The following TCAIM variants were observed in gnomAD, a reference collection of about 807,000 sequenced individuals.
The protein encoded by TCAIM is T cell activation inhibitor, mitochondrial.
Under a neutral mutation model 58.6 loss-of-function variants are expected in TCAIM, and 36 were observed. The observed-to-expected ratio is 0.61, with a 90% confidence interval of 0.47 to 0.81. TCAIM has a LOEUF of 0.81. Among genes scored for constraint, TCAIM ranks in the 30% least tolerant of loss-of-function variants. The pLI, the probability that TCAIM is intolerant of heterozygous loss-of-function variation, is 0.00. For missense variants in TCAIM, 466 were observed against 579.6 expected (o/e 0.80, Z 2.01); for synonymous variants, 172 against 193.6 (o/e 0.89, Z 0.93).
intron 5 of TCAIM, among the ~76,000 whole-genome samples, chr3:44,373,229 T>C (rs1701508453): frequency 6.6e-6 from 1 of 152,182 alleles, no homozygotes; most frequent in African/African-American, 2.4e-5. Flanking sequence ...ATAAAAACTC[T>C]ATTTAACCCA....
chr3:44,396,399 G>A lies in TCAIM; in HGVS notation c.696-1G>A. The A allele has an allele frequency of 1.2e-6, 2 of 1,612,656 alleles. No homozygotes were observed. Among genetic ancestry groups the A allele is most frequent in the Non-Finnish European group, 1.7e-6 (2 of 1,179,548 alleles). Reference sequence around the variant, plus strand: ...CATGAGTGTGTGCTCTGTTGGCCTAGGTGGCAGAGGAGCTGGGGCATCGCC... The same window carrying A: ...CATGAGTGTGTGCTCTGTTGGCCTAAGTGGCAGAGGAGCTGGGGCATCGCC... On this transcript the variant is annotated splice_acceptor_variant, in intron 6 of 10. Coordinates refer to ENST00000342649, the MANE Select transcript of TCAIM (RefSeq NM_173826.4). LOFTEE classifies it high-confidence loss of function.
intron 5 of TCAIM, among the ~76,000 whole-genome samples, chr3:44,389,119 A>G (rs1305709957): frequency 6.6e-6 from 1 of 152,186 alleles, no homozygotes; most frequent in Non-Finnish European, 1.5e-5. Flanking sequence ...GTGAAGCCCC[A>G]TCTCTGCTAA....
At chr3:44,343,560 G>A (rs1311116230) in intron 1 of TCAIM, among the ~76,000 whole-genome samples, 3 of 151,986 alleles carry the variant, frequency 2.0e-5, no homozygotes, top group African/African-American at 7.3e-5. Context: ...AAATCCAGTG[G>A]GTATGTTAAG....
At chr3:44,350,121 AAG>A (rs560051706) in intron 1 of TCAIM, among the ~76,000 whole-genome samples, 6 of 152,292 alleles carry the variant, frequency 3.9e-5, no homozygotes, top group Admixed American at 1.3e-4. Flanking sequence ...TGAGTCCGAA[AAG>A]AGAGTCAGCA....
Position 44,408,057 on chromosome 3 carries a change from T to G in TCAIM, c.*375T>G, listed in dbSNP as rs950796045. The G allele has an allele frequency of 6.5e-6, 1 of 153,244 alleles. No individual in the cohort carries two copies. Among genetic ancestry groups the G allele is most frequent in the African/African-American group, 2.4e-5 (1 of 41,476 alleles). The allele number at this position is 153,244 out of a possible 1,614,324, so 9.5% of individuals were successfully genotyped here. A position where few individuals can be genotyped will look rare whatever the true frequency, so the allele number is the denominator to read the frequency against. ...AAGTAACTAATAAAAAGATTTTATA[T>G]CCCAGTCTTATGATGTTGGTTGGCA... is the stretch of plus-strand genomic sequence containing the variant. On this transcript the variant is annotated 3_prime_UTR_variant, in exon 11 of 11. Transcript: ENST00000342649.
chr3:44,357,826 T>C lies in TCAIM; in HGVS notation c.115T>C (p.Phe39Leu). Residue 39 changes from phenylalanine (F) to leucine (L), a missense_variant, in exon 3 of 11, where the codon TTC (phenylalanine) becomes CTC (leucine). Physicochemically the swap from Phe to Leu is conservative, Grantham distance 22. Coordinates refer to ENST00000342649, the MANE Select transcript of TCAIM (RefSeq NM_173826.4). ...GAEAVNALRP[F>L]YFAVHPDFFG... ...TGAAGCAGTCAATGCCTTGAGGCCT[T>C]TCTATTTTGCAGTACATCCAGATTT... 1 of 1,614,184 alleles carries C rather than the reference T, an allele frequency of 6.2e-7. No homozygotes were observed. Among genetic ancestry groups the C allele is most frequent in the South Asian group, 1.1e-5 (1 of 91,088 alleles).
chr3:44,399,923 T>C (rs1051978797), intron 8 of TCAIM, among the ~76,000 whole-genome samples: 8 of 152,220 alleles, frequency 5.3e-5, no homozygotes, highest in Non-Finnish European at 8.8e-5. Flanking sequence ...AGGTGCGCAA[T>C]CATATTTATT....
Position 44,400,495 on chromosome 3 carries a change from C to T in TCAIM, c.1026C>T (p.Tyr342=). ...LQPVLTLEEY[Y]SLLDVFYNRL... is the part of the protein sequence containing the mutation. The stretch of plus-strand genomic sequence containing the variant: ...CAGTATTGACACTTGAAGAATATTA[C>T]TCTCTTCTTGATGTGTTTTATAATA... The change falls in exon 9 of 11, where the codon TAC becomes TAT. Residue 342 remains tyrosine (Y), a synonymous_variant. Transcript: ENST00000342649. 1 of 1,613,488 alleles carries T rather than the reference C, an allele frequency of 6.2e-7. No homozygotes were observed. Among genetic ancestry groups the T allele is most frequent in the Non-Finnish European group, 8.5e-7 (1 of 1,179,640 alleles).
chr3:44,388,639 G>T (rs1701782644), intron 5 of TCAIM, among the ~76,000 whole-genome samples: 1 of 152,252 alleles, frequency 6.6e-6, no homozygotes, highest in East Asian at 1.9e-4. Context: ...TTACTCATTA[G>T]ATTTTTACTT....
chr3:44,346,840 G>T (rs570431975), intron 1 of TCAIM, among the ~76,000 whole-genome samples: 1 of 152,334 alleles, frequency 6.6e-6, no homozygotes, highest in East Asian at 1.9e-4. Context: ...TGACCACAGA[G>T]CCCTGTACTT....
At chr3:44,366,444 C>A (rs1251812301) in intron 4 of TCAIM, among the ~76,000 whole-genome samples, 1 of 146,714 alleles carries the variant, frequency 6.8e-6, no homozygotes, top group Non-Finnish European at 1.5e-5. Context: ...CCCACCACTG[C>A]GCCTGGCTAA....
chr3:44,389,196 A>G (rs1701792736), intron 5 of TCAIM, among the ~76,000 whole-genome samples: 1 of 152,208 alleles, frequency 6.6e-6, no homozygotes, highest in Non-Finnish European at 1.5e-5. Context: ...AGGCTGAGGC[A>G]GAAGAATCAC....
chr3:44,355,840 A>G (rs1462354016), intron 2 of TCAIM, among the ~76,000 whole-genome samples: 1 of 152,162 alleles, frequency 6.6e-6, no homozygotes, highest in Non-Finnish European at 1.5e-5. Flanking sequence ...CTCCTTTTTT[A>G]GATATGTAAA....
chr3:44,371,585 C>T (rs1701470825), intron 5 of TCAIM, among the ~76,000 whole-genome samples: 1 of 152,164 alleles, frequency 6.6e-6, no homozygotes, highest in Non-Finnish European at 1.5e-5. Context: ...ACCAGCATGT[C>T]TTACAGTGCT....
intron 5 of TCAIM, among the ~76,000 whole-genome samples, chr3:44,371,353 C>T (rs982621823): frequency 2.0e-5 from 3 of 152,084 alleles, no homozygotes; most frequent in African/African-American, 4.8e-5. Flanking sequence ...CCACCATGCC[C>T]GGCTAGATTA....
At chr3:44,360,135 C>T (rs950200889) in intron 3 of TCAIM, among the ~76,000 whole-genome samples, 2 of 152,084 alleles carry the variant, frequency 1.3e-5, no homozygotes, top group Non-Finnish European at 2.9e-5. Flanking sequence ...GCCATCTCTG[C>T]TTTCCTTCCT....
At chr3:44,381,084 A>G (rs906800430) in intron 5 of TCAIM, among the ~76,000 whole-genome samples, 3 of 152,172 alleles carry the variant, frequency 2.0e-5, no homozygotes, top group African/African-American at 7.2e-5. Context: ...TCAAAAAGAA[A>G]CTGAAGAAGG....
upstream of TCAIM, chr3:44,338,518 G>C (rs951427389): frequency 2.0e-5 from 3 of 152,594 alleles, no homozygotes; most frequent in Non-Finnish European, 4.4e-5. Context: ...GCCCGGGCTT[G>C]CCTCGAGCGC....
In TCAIM at chr3:44,358,166, C is replaced by T. The variant is rs374543933; in HGVS notation, c.165+290C>T. The T allele has an allele frequency of 1.0e-4, 153 of 1,536,710 alleles. 3 individuals carry two copies. The South Asian group carries it at 1.8e-3, about 18-fold the overall frequency. ...GTACAGTTGAGGGTTTGAAAGAAAA[C>T]TTGAGACCTTTATTATCATGATCAA... is the stretch of plus-strand genomic sequence containing the variant. On this transcript the variant is annotated intron_variant, in intron 3 of 10. Transcript: ENST00000342649.
Sources: gnomAD v4.1 joint callset for allele counts (sites outside exome capture counted in the v4.1 genomes callset) on GRCh38, gnomAD v4.1.1 for gene constraint, MANE v1.5 for transcripts, NCBI Gene and HGNC (gene_info 2026-07-23, HGNC 2026-07-21) for gene names.